The following ADAMTS13 variants were observed in gnomAD, a reference collection of about 807,000 sequenced individuals.
The protein encoded by ADAMTS13 is ADAM metallopeptidase with thrombospondin type 1 motif 13.
A neutral mutation model predicts 155.1 loss-of-function variants in ADAMTS13; 110 were observed. The observed-to-expected ratio is 0.71, with a 90% CI of 0.61 to 0.83. The LOEUF is 0.83. ADAMTS13 is among the 40% of genes least tolerant of loss of function. ADAMTS13 has a pLI of 0.00. For missense variants in ADAMTS13, 1,707 were observed against 1,891.7 expected (o/e 0.90, Z 1.81); for synonymous variants, 758 against 756.4 (o/e 1.00, Z -0.03).
Position 133,414,701 on chromosome 9 carries a change from C to T in ADAMTS13, n.287+57C>T, listed in dbSNP as rs140757999. 20 of 1,613,898 alleles carry T rather than the reference C, an allele frequency of 1.2e-5. No individual in the cohort carries two copies. The highest frequency in any genetic ancestry group is 2.7e-5 in the African/African-American group (2 of 74,900). The stretch of plus-strand genomic sequence containing the variant: ...GGCTGGGGCTGCCTCCTTAGCTTTC[C>T]GCTTCTTATGCTCGATGTCCCCTCG... On this transcript the variant is annotated intron_variant and non_coding_transcript_variant, in intron 1 of 17. Transcript: ENST00000485925.
At chr9:133,455,217 G>A (rs1554795371) in intron 24 of ADAMTS13, 68 bp from the exon 25 acceptor site, 1 of 1,531,336 alleles carries the variant, frequency 6.5e-7, no homozygotes, top group African/African-American at 1.4e-5. Flanking sequence ...CTCCTGGCCT[G>A]TGGTTACCAC....
At chr9:133,437,487 A>G (rs989181694) in intron 12 of ADAMTS13, among the ~76,000 whole-genome samples, 3 of 152,172 alleles carry the variant, frequency 2.0e-5, no homozygotes, top group Non-Finnish European at 4.4e-5. Flanking sequence ...CAAACTCCTG[A>G]CGTCAGGTGA....
intron 21 of ADAMTS13, among the ~76,000 whole-genome samples, chr9:133,448,181 G>C (rs887852764): frequency 6.6e-6 from 1 of 151,464 alleles, no homozygotes; most frequent in Non-Finnish European, 1.5e-5. Context: ...GTAGAGACGG[G>C]GTTTCACCAT....
At chr9:133,414,821 T>G (rs782023241) in intron 1 of ADAMTS13, 2 of 1,614,174 alleles carry the variant, frequency 1.2e-6, no homozygotes, top group South Asian at 2.2e-5. Context: ...CGCCCTCCTG[T>G]CCATCTTGGA....
chr9:133,416,568 TAGCTCCAAGGG>T lies in ADAMTS13; in HGVS notation n.287+1937_287+1947del, dbSNP rs112665215. 5.9e-5 allele frequency among the ~76,000 whole-genome samples: 9 copies of T among 152,078 alleles called. 1 individual carries two copies. Among genetic ancestry groups the T allele is most frequent in the East Asian group, 3.9e-4 (2 of 5,144 alleles). ...AGTGAGCTATGATCCTAACAGGAGGTAGCTCCAAGGGAGCTCCAAGGGATGTGGTAAGAATG... is the reference window on the plus strand; with the variant it reads ...AGTGAGCTATGATCCTAACAGGAGGTAGCTCCAAGGGATGTGGTAAGAATG... On this transcript the variant is annotated intron_variant and non_coding_transcript_variant, in intron 1 of 17. Coordinates refer to the ADAMTS13 transcript ENST00000485925.
At chr9:133,423,485 C>T (rs1840085639) in intron 2 of ADAMTS13, among the ~76,000 whole-genome samples, 1 of 152,188 alleles carries the variant, frequency 6.6e-6, no homozygotes, top group South Asian at 2.1e-4. Context: ...TGGTTTCTGA[C>T]CGTGGATGTA....
At chr9:133,450,259 C>T (rs1026644033) in intron 23 of ADAMTS13, among the ~76,000 whole-genome samples, 12 of 151,982 alleles carry the variant, frequency 7.9e-5, no homozygotes, top group Non-Finnish European at 1.8e-4. Context: ...ATGGTGAAAC[C>T]CCATCTTTAC....
intron 11 of ADAMTS13, among the ~76,000 whole-genome samples, chr9:133,435,970 T>A (rs1841172199): frequency 1.3e-5 from 2 of 151,202 alleles, no homozygotes. Context: ...GTTTTTTCTT[T>A]TCTCTTCTTT....
chr9:133,450,028 T>C, intron 23 of ADAMTS13, 63 bp downstream of exon 23: 1 of 1,525,532 alleles, frequency 6.6e-7, no homozygotes, highest in Non-Finnish European at 8.8e-7. Flanking sequence ...CCAGGCGCTG[T>C]GGTGTGTGCC....
chr9:133,425,421 A>C lies in ADAMTS13; in HGVS notation c.331-108A>C, dbSNP rs1840215419. 4 of 887,716 alleles carry C rather than the reference A, an allele frequency of 4.5e-6. No individual in the cohort carries two copies. Among genetic ancestry groups the C allele is most frequent in the Non-Finnish European group, 7.1e-6 (4 of 563,704 alleles). The allele number at this position is 887,716 out of a possible 1,614,324, so 55.0% of individuals were successfully genotyped here. A position where few individuals can be genotyped will look rare whatever the true frequency, so the allele number is the denominator to read the frequency against. On this transcript the variant is annotated intron_variant, in intron 3 of 28. Coordinates refer to ENST00000355699, the MANE Select transcript of ADAMTS13 (RefSeq NM_139027.6). This position sits in a 1 kb window ranked among gnomAD's most constrained non-coding sequence, Gnocchi z 4.6. ...GCCCGGTTCCCACACATGCTGGTGGAGTAGCCTCTCCAGCTCTTCACACTC... is the reference window on the plus strand; with the variant it reads ...GCCCGGTTCCCACACATGCTGGTGGCGTAGCCTCTCCAGCTCTTCACACTC...
chr9:133,450,326 T>C (rs1842357268), intron 23 of ADAMTS13, among the ~76,000 whole-genome samples: 1 of 151,856 alleles, frequency 6.6e-6, no homozygotes, highest in African/African-American at 2.4e-5. Context: ...CCCAGCACTT[T>C]GGGAGGCTGA....
intron 14 of ADAMTS13, among the ~76,000 whole-genome samples, chr9:133,438,884 C>A (rs1483005204): frequency 6.9e-6 from 1 of 145,808 alleles, no homozygotes; most frequent in East Asian, 2.0e-4. Context: ...GCACTCCAGC[C>A]CGGGCAACAG....
rs1841700010 is a variant in ADAMTS13, at chr9:133,441,940, C to T, written c.1969-459C>T. On this transcript the variant is annotated intron_variant, in intron 16 of 28. Coordinates refer to ENST00000355699, the MANE Select transcript of ADAMTS13 (RefSeq NM_139027.6). This position sits in a 1 kb window ranked among gnomAD's most constrained non-coding sequence, Gnocchi z 5.0. Reference sequence around the variant, plus strand: ...CCTCTACCCAGCCAGCTTAGGGAACCTTCTCTGTGCTGCCCAAATACCCTA... The same window carrying T: ...CCTCTACCCAGCCAGCTTAGGGAACTTTCTCTGTGCTGCCCAAATACCCTA... Among the ~76,000 whole-genome samples, 2 of 152,198 alleles carry T rather than the reference C, an allele frequency of 1.3e-5. No homozygotes were observed. Among genetic ancestry groups the T allele is most frequent in the Non-Finnish European group, 2.9e-5 (2 of 68,044 alleles).
intron 24 of ADAMTS13, 28 bp downstream of exon 24, chr9:133,454,647 T>A (rs782343980): frequency 1.3e-6 from 2 of 1,570,122 alleles, no homozygotes; most frequent in Admixed American, 1.8e-5. Context: ...TCGGAATCCC[T>A]ATGGGGCTGG....
At chr9:133,455,601 CCAGTT>C in intron 25 of ADAMTS13, 166 bp downstream of exon 25, 1 of 1,601,094 alleles carries the variant, frequency 6.2e-7, no homozygotes, top group Non-Finnish European at 8.5e-7. Flanking sequence ...TCAGTGCAGT[CCAGTT>C]ATGTCCTGTC....
At chr9:133,446,001 G>A (rs940278480) in intron 21 of ADAMTS13, among the ~76,000 whole-genome samples, 182 bp downstream of exon 21, 2 of 152,210 alleles carry the variant, frequency 1.3e-5, no homozygotes, top group Non-Finnish European at 2.9e-5. Context: ...AAATGTGGGT[G>A]TTGATTGGCT....
intron 1 of ADAMTS13, among the ~76,000 whole-genome samples, chr9:133,415,318 C>G (rs1394983922): frequency 6.6e-6 from 1 of 152,114 alleles, no homozygotes; most frequent in Non-Finnish European, 1.5e-5. Context: ...TGGCTGGACA[C>G]CACAGACCAC....
intron 7 of ADAMTS13, 25 bp downstream of exon 7, chr9:133,428,796 C>G: frequency 7.8e-7 from 1 of 1,281,596 alleles, no homozygotes; most frequent in East Asian, 3.4e-5. Context: ...GTGGGAGGGG[C>G]GCGCGAGCCT....
In ADAMTS13 at chr9:133,440,660, T is replaced by G; in HGVS notation, c.1968+135T>G. 1 of 1,117,444 alleles carries G rather than the reference T, an allele frequency of 8.9e-7. No homozygotes were observed. The allele number at this position is 1,117,444 out of a possible 1,614,324, so 69.2% of individuals were successfully genotyped here. ...GCGGTCACTTACAGGGGACCCACTA[T>G]GTGTTGGGCCCTGTGCTAGGCAAAA... is the stretch of plus-strand genomic sequence containing the variant. On this transcript the variant is annotated intron_variant, in intron 16 of 28. Transcript: ENST00000355699. The surrounding 1 kb of genome is among the most constrained non-coding windows in gnomAD (Gnocchi z 4.3).
Sources: gnomAD v4.1 joint callset for allele counts (sites outside exome capture counted in the v4.1 genomes callset) on GRCh38, gnomAD v4.1.1 for gene constraint, Gnocchi (gnomAD v3.1) non-coding constraint, MANE v1.5 for transcripts, NCBI Gene and HGNC (gene_info 2026-07-23, HGNC 2026-07-21) for gene names.